GLI2: variants seen among roughly 807,000 people sequenced by gnomAD.
GLI2 encodes transcription activator GLI2.
Under a neutral mutation model 78.9 loss-of-function variants are expected in GLI2, and 22 were observed. That is an observed-to-expected ratio of 0.28 (90% CI 0.20 to 0.40). The LOEUF is 0.40. GLI2 is among the 10% of genes least tolerant of loss of function. The pLI, the probability that GLI2 is intolerant of heterozygous loss-of-function variation, is 1.00. For synonymous variants in GLI2, 974 were observed against 963.7 expected, an observed-to-expected ratio of 1.01 and a Z score of -0.20; for missense variants, 2,097 against 2,213.2, an observed-to-expected ratio of 0.95 and a Z score of 1.05.
At chr2:120,928,730 G>A (rs1310301797) in intron 3 of GLI2, among the ~76,000 whole-genome samples, 8 of 152,168 alleles carry the variant, frequency 5.3e-5, no homozygotes, top group Admixed American at 1.3e-4. Context: ...GCAAACCTGG[G>A]ACTTCTACTT....
chr2:120,927,608 C>G (rs143797476), intron 3 of GLI2, 142 bp downstream of exon 3: 45 of 736,182 alleles, frequency 6.1e-5, no homozygotes, highest in Non-Finnish European at 9.4e-5. Context: ...GGGCGATCAC[C>G]TTTGCTATCA....
intron 3 of GLI2, among the ~76,000 whole-genome samples, chr2:120,945,336 CCTA>C (rs2104931220): frequency 6.6e-6 from 1 of 152,288 alleles, no homozygotes; most frequent in African/African-American, 2.4e-5. Context: ...GGTTGGTTGT[CCTA>C]CTTACCCAGA....
chr2:120,819,492 A>G (rs1685663323), intron 2 of GLI2, among the ~76,000 whole-genome samples: 1 of 152,020 alleles, frequency 6.6e-6, no homozygotes, highest in Admixed American at 6.6e-5. Flanking sequence ...TGCCCGCCTC[A>G]GCCTCCTAAA....
At chr2:120,775,084 C>T (rs1433527365) in intron 1 of GLI2, among the ~76,000 whole-genome samples, 3 of 152,162 alleles carry the variant, frequency 2.0e-5, no homozygotes, top group East Asian at 3.9e-4. Flanking sequence ...GACATAGGGA[C>T]GTGGGTATGC....
intron 2 of GLI2, among the ~76,000 whole-genome samples, chr2:120,815,013 G>C (rs191822079): frequency 2.6e-5 from 4 of 152,240 alleles, no homozygotes; most frequent in Admixed American, 6.5e-5. Flanking sequence ...CAGCGTCCAC[G>C]GGCCTGAGAC....
chr2:120,796,871 C>T (rs1182232263), intron 1 of GLI2, among the ~76,000 whole-genome samples: 1 of 152,204 alleles, frequency 6.6e-6, no homozygotes, highest in African/African-American at 2.4e-5. Flanking sequence ...GTGAAAGGTT[C>T]TGGTGAGCAG....
intron 1 of GLI2, among the ~76,000 whole-genome samples, chr2:120,760,670 A>G (rs570435463): frequency 6.6e-6 from 1 of 152,228 alleles, no homozygotes; most frequent in East Asian, 1.9e-4. Context: ...TTGCTTGGTT[A>G]GCTCTTGGAC....
intron 2 of GLI2, among the ~76,000 whole-genome samples, chr2:120,905,786 C>CA (rs765955266): frequency 6.6e-6 from 1 of 152,134 alleles, no homozygotes; most frequent in Non-Finnish European, 1.5e-5. Context: ...ATATAGTGCC[C>CA]AACACACCTT....
intron 2 of GLI2, among the ~76,000 whole-genome samples, chr2:120,886,734 G>A (rs1677432319): frequency 1.3e-5 from 2 of 152,204 alleles, no homozygotes; most frequent in African/African-American, 4.8e-5. Context: ...GTGGGACTGC[G>A]GTAGCCTGCA....
chr2:120,874,671 G>A (rs144130710), intron 2 of GLI2, among the ~76,000 whole-genome samples: 1 of 152,206 alleles, frequency 6.6e-6, no homozygotes, highest in African/African-American at 2.4e-5. Context: ...AATATAGCAC[G>A]CTAATGAGGT....
rs1553480336 is a variant in GLI2 at position 120,992,017 on chromosome 2, C to CACACACACAA, written c.*1351_*1352insAACACACACA. 7.0e-6 allele frequency: 1 copy of CACACACACAA among 143,650 alleles called. No homozygotes were observed. The highest frequency in any genetic ancestry group is 2.9e-5 in the African/African-American group (1 of 34,346). 8.9% of individuals were successfully genotyped at this position (143,650 alleles called of 1,614,324 possible). A position where few individuals can be genotyped will look rare whatever the true frequency, so the allele number is the denominator to read the frequency against. On this transcript the variant is annotated 3_prime_UTR_variant, in exon 14 of 14. Coordinates refer to ENST00000361492, the MANE Select transcript of GLI2 (RefSeq NM_001374353.1). ...GCATCTTCCCCACCATACACACACA[C>CACACACACAA]ACACACACACACACACACACACACA...
At chr2:120,955,092 G>C (rs1453816909) in intron 4 of GLI2, among the ~76,000 whole-genome samples, 153 bp from the exon 5 acceptor site, 1 of 151,700 alleles carries the variant, frequency 6.6e-6, no homozygotes, top group Non-Finnish European at 1.5e-5. Flanking sequence ...GCAAACAGTG[G>C]GGCAGTGGGG....
At chr2:120,928,456 T>C (rs6708275) in intron 3 of GLI2, among the ~76,000 whole-genome samples, 146,099 of 152,268 alleles carry the variant, frequency 0.96, 70,128 homozygotes, top group East Asian at 1. Flanking sequence ...CATCATCATC[T>C]GTTTTTGCAC....
chr2:120,794,108 G>T (rs1396771514), intron 1 of GLI2, among the ~76,000 whole-genome samples: 1 of 152,220 alleles, frequency 6.6e-6, no homozygotes, highest in South Asian at 2.1e-4. Context: ...CTGGCCTGAA[G>T]GTGATGAATG....
intron 1 of GLI2, among the ~76,000 whole-genome samples, chr2:120,796,957 C>T (rs1684425105): frequency 6.6e-6 from 1 of 152,124 alleles, no homozygotes; most frequent in African/African-American, 2.4e-5. Context: ...TTATTTTCCC[C>T]ATGATTCACA....
At chr2:120,759,919 A>G (rs966484887) in intron 1 of GLI2, among the ~76,000 whole-genome samples, 3 of 152,262 alleles carry the variant, frequency 2.0e-5, no homozygotes, top group African/African-American at 7.2e-5. Flanking sequence ...GCCAGGAAAC[A>G]GGAGGAAGAC....
rs114846345 is a variant in GLI2, at chr2:120,742,757, A to G, written c.-31+6472A>G. On this transcript the variant is annotated intron_variant, in intron 1 of 13. Transcript: ENST00000361492. ...ATCATGTCAACGTAATTTTGAGCTC[A>G]TGATTTCTTTTCAATTCCTACATAA... 4.0e-3 allele frequency among the ~76,000 whole-genome samples: 610 copies of G among 152,132 alleles called. 6 individuals are homozygous for G. The highest frequency in any genetic ancestry group is 0.014 in the African/African-American group (577 of 41,496).
intron 2 of GLI2, among the ~76,000 whole-genome samples, chr2:120,893,626 C>G (rs1260437992): frequency 2.3e-5 from 3 of 130,060 alleles, no homozygotes; most frequent in Non-Finnish European, 5.0e-5. Context: ...GAGGAATTAC[C>G]AAAAAAGAAA....
intron 2 of GLI2, among the ~76,000 whole-genome samples, chr2:120,806,281 G>C (rs1010415671): frequency 7.2e-5 from 11 of 152,196 alleles, no homozygotes; most frequent in African/African-American, 2.7e-4. Flanking sequence ...ACCCGGGCCT[G>C]GGTGCCTCTG....
Sources: allele counts gnomAD v4.1 joint callset (sites outside exome capture counted in the v4.1 genomes callset), GRCh38; gene constraint gnomAD v4.1.1; transcripts MANE v1.5; gene names NCBI Gene and HGNC (gene_info 2026-07-23, HGNC 2026-07-21).